The following TLL1 variants were observed in gnomAD, a reference collection of about 807,000 sequenced individuals.
The protein encoded by TLL1 is tolloid like 1, also known as tolloid-like protein 1.
Under a neutral mutation model 128.2 loss-of-function variants are expected in TLL1, and 49 were observed. The ratio of observed to expected loss-of-function variants is 0.38; its 90% CI spans 0.30 to 0.48. The LOEUF (loss-of-function observed/expected upper bound fraction) is 0.48, where lower values mean the gene tolerates loss of function less well. TLL1 is among the 20% of genes least tolerant of loss of function. The pLI, the probability that TLL1 is intolerant of heterozygous loss-of-function variation, is 0.96. For missense variants in TLL1, 1,123 were observed against 1,242.0 expected, an observed-to-expected ratio of 0.90 and a Z score of 1.44; for synonymous variants, 454 against 418.8, an observed-to-expected ratio of 1.08 and a Z score of -1.03.
At chr4:165,978,227 G>T (rs1196986881) in intron 1 of TLL1, among the ~76,000 whole-genome samples, 2 of 151,858 alleles carry the variant, frequency 1.3e-5, no homozygotes, top group African/African-American at 4.8e-5. Context: ...AGTTTTTTGG[G>T]TGCCAGTGGT....
intron 1 of TLL1, among the ~76,000 whole-genome samples, chr4:165,953,993 T>C (rs918403467): frequency 4.6e-5 from 7 of 152,160 alleles, no homozygotes; most frequent in African/African-American, 1.4e-4. Context: ...TTCTTTTCAA[T>C]TTTACTCTGA....
At chr4:166,053,866 G>A (rs1419504605) in intron 12 of TLL1, among the ~76,000 whole-genome samples, 3 of 152,072 alleles carry the variant, frequency 2.0e-5, no homozygotes, top group African/African-American at 4.8e-5. Flanking sequence ...TACCTAATAA[G>A]CAGTTGACTC....
intron 1 of TLL1, among the ~76,000 whole-genome samples, chr4:165,955,236 TAAAA>T (rs1177450915): frequency 4.6e-5 from 7 of 150,750 alleles, no homozygotes; most frequent in African/African-American, 7.3e-5. Context: ...AAAATAAAAA[TAAAA>T]AGAAAGAAAA....
rs1052067062 is a variant in TLL1 at position 166,043,169 on chromosome 4, T to C, written c.1379-105T>C. On this transcript the variant is annotated intron_variant, in intron 11 of 20. Transcript: ENST00000061240. ...TTTGATTTTTATAGCCTGGTCTTTA[T>C]GTACTGAGCTACAGGAGCTGAACTT... 18 of 1,469,984 alleles carry C rather than the reference T, an allele frequency of 1.2e-5. No individual in the cohort carries two copies. In the African/African-American group the frequency reaches 2.1e-4, roughly 17 times the overall value. 91.1% of individuals were successfully genotyped at this position (1,469,984 alleles called of 1,614,324 possible).
intron 9 of TLL1, among the ~76,000 whole-genome samples, chr4:166,032,240 C>T (rs908656307): frequency 5.9e-5 from 9 of 151,806 alleles, no homozygotes; most frequent in African/African-American, 1.9e-4. Context: ...TGTCATGAAC[C>T]GAAATGTAAA....
intron 1 of TLL1, among the ~76,000 whole-genome samples, chr4:165,927,174 A>G (rs1191373600): frequency 3.3e-5 from 5 of 152,230 alleles, no homozygotes; most frequent in Admixed American, 2.0e-4. Context: ...TATATACCAT[A>G]AAACAATAGA....
intron 1 of TLL1, among the ~76,000 whole-genome samples, chr4:165,924,450 T>C: frequency 6.6e-6 from 1 of 152,216 alleles, no homozygotes; most frequent in East Asian, 1.9e-4. Flanking sequence ...AGCCAAAGCC[T>C]AATCCAGAAC....
chr4:166,066,155 A>G (rs1244581378), intron 16 of TLL1, among the ~76,000 whole-genome samples: 1 of 151,518 alleles, frequency 6.6e-6, no homozygotes, highest in East Asian at 1.9e-4. Flanking sequence ...TTATCTTTTT[A>G]TTTAGCAATG....
chr4:166,027,714 A>C (rs917688896), intron 9 of TLL1, among the ~76,000 whole-genome samples: 2 of 152,182 alleles, frequency 1.3e-5, no homozygotes, highest in African/African-American at 2.4e-5. Flanking sequence ...TTTGAGAACA[A>C]GTTTAAAGTA....
intron 16 of TLL1, among the ~76,000 whole-genome samples, chr4:166,067,618 A>G (rs1740627410): frequency 1.3e-5 from 2 of 151,720 alleles, no homozygotes; most frequent in East Asian, 3.9e-4. Context: ...GCATACTTAG[A>G]ACATGGATGA....
intron 1 of TLL1, among the ~76,000 whole-genome samples, chr4:165,929,453 C>G (rs560339213): frequency 1.2e-4 from 18 of 151,710 alleles, no homozygotes; most frequent in African/African-American, 3.6e-4. Flanking sequence ...GCAGGAGAAC[C>G]GCTTGACCCC....
At chr4:165,953,656 T>G (rs184945403) in intron 1 of TLL1, among the ~76,000 whole-genome samples, 1 of 150,080 alleles carries the variant, frequency 6.7e-6, no homozygotes, top group Admixed American at 6.6e-5. Context: ...ATAAATATTA[T>G]GTACAAATGA....
intron 1 of TLL1, among the ~76,000 whole-genome samples, chr4:165,915,570 T>A (rs1248642749): frequency 6.6e-6 from 1 of 152,190 alleles, no homozygotes; most frequent in African/African-American, 2.4e-5. Context: ...TCCCTCAGTG[T>A]TACCAACCAG....
At chr4:165,964,952 A>T (rs960060434) in intron 1 of TLL1, among the ~76,000 whole-genome samples, 2 of 152,052 alleles carry the variant, frequency 1.3e-5, no homozygotes, top group African/African-American at 4.8e-5. Flanking sequence ...TAAATAAATA[A>T]GTAAATAAAT....
At chr4:165,914,990 C>T (rs1194164544) in intron 1 of TLL1, among the ~76,000 whole-genome samples, 1 of 152,198 alleles carries the variant, frequency 6.6e-6, no homozygotes, top group South Asian at 2.1e-4. Flanking sequence ...AATGAATATG[C>T]TCATGGTTCA....
At chr4:166,036,343 A>G (rs1738997766) in intron 9 of TLL1, among the ~76,000 whole-genome samples, 1 of 152,184 alleles carries the variant, frequency 6.6e-6, no homozygotes, top group South Asian at 2.1e-4. Flanking sequence ...AGATCACAGG[A>G]AATCTTAAAA....
chr4:165,880,380 A>G (rs1340111226), intron 1 of TLL1, among the ~76,000 whole-genome samples: 1 of 152,240 alleles, frequency 6.6e-6, no homozygotes, highest in Non-Finnish European at 1.5e-5. Flanking sequence ...GGTGGTGTTT[A>G]TCTTACTCAG....
chr4:166,058,458 A>G (rs1472655822), intron 14 of TLL1, among the ~76,000 whole-genome samples: 4 of 152,186 alleles, frequency 2.6e-5, no homozygotes, highest in African/African-American at 9.6e-5. Context: ...ATTTTTTTAA[A>G]AAGACTTTTT....
rs146325305 is a variant in TLL1, at chr4:165,965,952, G to A, written c.170-23429G>A. On this transcript the variant is annotated intron_variant, in intron 1 of 20. Transcript: ENST00000061240. ...TCCCAGCACTTTGGGAGGCTGAGGTGGGTGGATCACGAGGTCAGGAGTTCA... is the reference window on the plus strand; with the variant it reads ...TCCCAGCACTTTGGGAGGCTGAGGTAGGTGGATCACGAGGTCAGGAGTTCA... Among the ~76,000 whole-genome samples the A allele has an allele frequency of 2.2e-3, 336 of 152,152 alleles. 3 individuals are homozygous for A. The highest frequency in any genetic ancestry group is 6.7e-3 in the African/African-American group (278 of 41,542).
Sources: gnomAD v4.1 joint callset for allele counts (sites outside exome capture counted in the v4.1 genomes callset) on GRCh38, gnomAD v4.1.1 for gene constraint, MANE v1.5 for transcripts, NCBI Gene and HGNC (gene_info 2026-07-23, HGNC 2026-07-21) for gene names.